Variants in SH3GL3 observed in about 807,000 individuals in gnomAD.
The protein encoded by SH3GL3 is endophilin-A3.
In SH3GL3, 33 loss-of-function variants were observed where a neutral mutation model predicts 47.7. The ratio of observed to expected loss-of-function variants is 0.69; its 90% CI spans 0.52 to 0.92. SH3GL3 has a LOEUF of 0.92. Ranked by LOEUF, SH3GL3 falls within the 40% of genes least tolerant of loss-of-function variation. The pLI is 0.00. For missense variants in SH3GL3, 363 were observed against 417.8 expected, an observed-to-expected ratio of 0.87 and a Z score of 1.14; for synonymous variants, 155 against 148.8, an observed-to-expected ratio of 1.04 and a Z score of -0.30.
chr15:83,581,408 G>C (rs1027796092), intron 6 of SH3GL3, among the ~76,000 whole-genome samples: 10 of 152,200 alleles, frequency 6.6e-5, no homozygotes, highest in Admixed American at 4.6e-4. Flanking sequence ...ATGTTGGAAG[G>C]GGCAGCTTGG....
intron 1 of SH3GL3, among the ~76,000 whole-genome samples, chr15:83,522,286 T>A (rs2043238845): frequency 6.6e-6 from 1 of 152,176 alleles, no homozygotes. Flanking sequence ...CTAATGGAGA[T>A]CACTTCGTTC....
At chr15:83,566,576 A>G (rs1596274079) in intron 3 of SH3GL3, among the ~76,000 whole-genome samples, 1 of 152,210 alleles carries the variant, frequency 6.6e-6, no homozygotes, top group South Asian at 2.1e-4. Context: ...AGAGTTCAAG[A>G]CCAGCCTGGG....
chr15:83,477,805 A>G (rs1489871858), intron 1 of SH3GL3, among the ~76,000 whole-genome samples: 1 of 152,216 alleles, frequency 6.6e-6, no homozygotes, highest in Non-Finnish European at 1.5e-5. Context: ...AATTGTCCTA[A>G]TTGAAAAATT....
chr15:83,499,796 A>G (rs916125830), intron 1 of SH3GL3, among the ~76,000 whole-genome samples: 2 of 152,228 alleles, frequency 1.3e-5, no homozygotes, highest in African/African-American at 2.4e-5. Context: ...ATAAAATCCT[A>G]TCAGTACACA....
At chr15:83,537,409 A>G (rs2043962108) in intron 1 of SH3GL3, among the ~76,000 whole-genome samples, 1 of 152,226 alleles carries the variant, frequency 6.6e-6, no homozygotes, top group Non-Finnish European at 1.5e-5. Context: ...ACTGTTCTAA[A>G]TACTTTCCAT....
chr15:83,490,941 A>T (rs1249266956), intron 1 of SH3GL3: 1 of 1,613,410 alleles, frequency 6.2e-7, no homozygotes, highest in South Asian at 1.1e-5. Context: ...GTGGTTGGGG[A>T]AGAACAGTAA....
intron 4 of SH3GL3, among the ~76,000 whole-genome samples, chr15:83,570,447 T>C (rs549254203): frequency 6.6e-6 from 1 of 152,190 alleles, no homozygotes; most frequent in Non-Finnish European, 1.5e-5. Context: ...AGGTATTGTA[T>C]TGCAAAAAGT....
intron 1 of SH3GL3, among the ~76,000 whole-genome samples, chr15:83,512,342 C>T (rs988840879): frequency 6.6e-6 from 1 of 152,062 alleles, no homozygotes; most frequent in Non-Finnish European, 1.5e-5. Flanking sequence ...CTTAACAACT[C>T]CACGTTTATT....
At chr15:83,511,665 C>G (rs1204444129) in intron 1 of SH3GL3, among the ~76,000 whole-genome samples, 1 of 152,188 alleles carries the variant, frequency 6.6e-6, no homozygotes, top group Non-Finnish European at 1.5e-5. Context: ...TCCTATTTCT[C>G]TTGGGCTCTA....
intron 1 of SH3GL3, among the ~76,000 whole-genome samples, chr15:83,519,235 G>A (rs2043112055): frequency 6.6e-6 from 1 of 152,132 alleles, no homozygotes; most frequent in African/African-American, 2.4e-5. Flanking sequence ...TAAGGATGGT[G>A]TTGAATCTTT....
chr15:83,541,285 G>T (rs988209235), intron 1 of SH3GL3, among the ~76,000 whole-genome samples: 4 of 144,246 alleles, frequency 2.8e-5, no homozygotes, highest in African/African-American at 7.7e-5. Context: ...TCCTAGCAGT[G>T]GGATGGCTGG....
At chr15:83,497,345 A>G (rs926369743) in intron 1 of SH3GL3, among the ~76,000 whole-genome samples, 1 of 152,118 alleles carries the variant, frequency 6.6e-6, no homozygotes, top group African/African-American at 2.4e-5. Context: ...CGAGGAATGC[A>G]GTCTTGCAAG....
chr15:83,568,793 G>T, intron 4 of SH3GL3, 121 bp downstream of exon 4: 1 of 605,190 alleles, frequency 1.7e-6, no homozygotes, highest in Non-Finnish European at 2.8e-6. Flanking sequence ...AGTAATACAT[G>T]TTAATTGCAG....
chr15:83,505,787 C>T (rs2042476853), intron 1 of SH3GL3, among the ~76,000 whole-genome samples: 1 of 152,120 alleles, frequency 6.6e-6, no homozygotes, highest in East Asian at 1.9e-4. Flanking sequence ...GCCTTGGCCT[C>T]CTGAAGTGCT....
chr15:83,564,565 A>G (rs577959062), intron 2 of SH3GL3, among the ~76,000 whole-genome samples: 16 of 152,370 alleles, frequency 1.1e-4, no homozygotes, highest in African/African-American at 3.6e-4. Context: ...GGAAAGATTC[A>G]GTCTTAACCA....
At chr15:83,538,185 G>A (rs1169244847) in intron 1 of SH3GL3, among the ~76,000 whole-genome samples, 1 of 152,100 alleles carries the variant, frequency 6.6e-6, no homozygotes, top group Non-Finnish European at 1.5e-5. Context: ...GCTAAACAGA[G>A]ACTTCCAGAT....
chr15:83,521,717 G>A (rs1018730689), intron 1 of SH3GL3, among the ~76,000 whole-genome samples: 8 of 152,128 alleles, frequency 5.3e-5, no homozygotes, highest in East Asian at 1.9e-4. Context: ...GCAGCAAACC[G>A]TTCAGATTAG....
intron 1 of SH3GL3, among the ~76,000 whole-genome samples, chr15:83,456,899 G>C (rs1318771017): frequency 6.6e-6 from 1 of 152,154 alleles, no homozygotes; most frequent in Non-Finnish European, 1.5e-5. Context: ...TTTTTTGATA[G>C]AGCTGTTTAC....
chr15:83,576,360 C>T (rs181571533), intron 5 of SH3GL3, among the ~76,000 whole-genome samples: 9 of 152,286 alleles, frequency 5.9e-5, no homozygotes, highest in Middle Eastern at 3.4e-3. Flanking sequence ...ATTCTATCAC[C>T]GATCTGTCCA....
Sources: allele counts gnomAD v4.1 joint callset (sites outside exome capture counted in the v4.1 genomes callset), GRCh38; gene constraint gnomAD v4.1.1; transcripts MANE v1.5; gene names NCBI Gene and HGNC (gene_info 2026-07-23, HGNC 2026-07-21).